LRP1B: variants seen among roughly 807,000 people sequenced by gnomAD.
LRP1B encodes the protein low-density lipoprotein receptor-related protein 1B.
A neutral mutation model predicts 556.6 loss-of-function variants in LRP1B; 217 were observed. That is an observed-to-expected ratio of 0.39 (90% CI 0.35 to 0.44). LRP1B has a LOEUF of 0.44. Ranked by LOEUF, LRP1B falls within the 20% of genes least tolerant of loss-of-function variation. The pLI is 1.00. For synonymous variants in LRP1B, 2,047 were observed against 1,865.8 expected (o/e 1.10, Z -2.50); for missense variants, 5,053 against 5,620.8 (o/e 0.90, Z 3.23).
At chr2:140,533,963 A>G in intron 47 of LRP1B, 58 bp downstream of exon 47, 2 of 1,594,222 alleles carry the variant, frequency 1.3e-6, no homozygotes, top group Non-Finnish European at 1.7e-6. Context: ...GAATGTTGGA[A>G]AAGTTCAGGA....
chr2:140,702,050 C>G (rs1373839121), intron 39 of LRP1B, 91 bp downstream of exon 39: 2 of 1,468,448 alleles, frequency 1.4e-6, no homozygotes, highest in South Asian at 1.3e-5. Context: ...TTTTTGTGAC[C>G]TTGCTAAGAA....
At chr2:140,457,439 G>A in intron 61 of LRP1B, 24 bp downstream of exon 61, 1 of 1,547,110 alleles carries the variant, frequency 6.5e-7, no homozygotes, top group Non-Finnish European at 8.9e-7. Flanking sequence ...ATGCATTTAT[G>A]GAAATCATGG....
intron 14 of LRP1B, among the ~76,000 whole-genome samples, chr2:141,008,743 T>A (rs1697652989): frequency 6.6e-6 from 1 of 151,560 alleles, no homozygotes; most frequent in East Asian, 1.9e-4. Flanking sequence ...CAGCATAGAG[T>A]GTGTTTGATA....
rs1699261462 is a variant in LRP1B at position 141,058,944 on chromosome 2, T to C, written c.1347A>G (p.Ser449=). 1 of 1,600,028 alleles carries C rather than the reference T, an allele frequency of 6.2e-7. No individual in the cohort carries two copies. Among genetic ancestry groups the C allele is most frequent in the Admixed American group, 1.7e-5 (1 of 57,748 alleles). Reference sequence around the variant, plus strand: ...CCCAAGCATTCTCAATTTTAATTAATGAGTGAATATCAGTCCCATTAAATC... The same window carrying C: ...CCCAAGCATTCTCAATTTTAATTAACGAGTGAATATCAGTCCCATTAAATC... The part of the protein sequence containing the change: ...INRFNGTDIH[S]LIKIENAWGI... The change falls in exon 9 of 91, where the codon TCA becomes TCG. Residue 449 remains serine (S), a synonymous_variant. Coordinates refer to ENST00000389484, the MANE Select transcript of LRP1B (RefSeq NM_018557.3).
intron 87 of LRP1B, among the ~76,000 whole-genome samples, chr2:140,242,749 G>A (rs1333495847): frequency 6.6e-6 from 1 of 151,030 alleles, no homozygotes; most frequent in Non-Finnish European, 1.5e-5. Context: ...AGGCCAAGAG[G>A]ATTACGATTA....
chr2:140,910,883 A>G (rs1192995926), intron 21 of LRP1B, among the ~76,000 whole-genome samples: 6 of 151,896 alleles, frequency 4.0e-5, no homozygotes, highest in Non-Finnish European at 8.9e-5. Context: ...CCAGCAAATG[A>G]AACATGTGTC....
intron 2 of LRP1B, among the ~76,000 whole-genome samples, chr2:141,519,627 C>G (rs778623164): frequency 6.6e-6 from 1 of 151,802 alleles, no homozygotes; most frequent in Non-Finnish European, 1.5e-5. Context: ...TACTAGAACT[C>G]GAATTTAGAT....
chr2:140,526,469 G>A, intron 47 of LRP1B, 119 bp from the exon 48 acceptor site: 1 of 693,824 alleles, frequency 1.4e-6, no homozygotes, highest in Non-Finnish European at 2.4e-6. Flanking sequence ...CGTAACTCTG[G>A]GAAGCCAAAC....
intron 1 of LRP1B, among the ~76,000 whole-genome samples, chr2:141,928,318 TATTGTAC>T (rs1383037046): frequency 6.6e-6 from 1 of 152,174 alleles, no homozygotes. Flanking sequence ...TTAATTTTTG[TATTGTAC>T]ATTGTATGCA....
intron 1 of LRP1B, among the ~76,000 whole-genome samples, chr2:142,096,014 T>C (rs1197183739): frequency 6.6e-6 from 1 of 151,738 alleles, no homozygotes; most frequent in East Asian, 1.9e-4. Context: ...GAATTCAGTG[T>C]GGGTGCCAGG....
intron 3 of LRP1B, among the ~76,000 whole-genome samples, chr2:141,458,125 A>T (rs996007584): frequency 2.6e-5 from 4 of 152,188 alleles, no homozygotes; most frequent in African/African-American, 9.7e-5. Context: ...CAATCCCTAA[A>T]GGGTAAAAAT....
chr2:141,716,019 A>G (rs1358621430), intron 2 of LRP1B, among the ~76,000 whole-genome samples: 1 of 152,182 alleles, frequency 6.6e-6, no homozygotes, highest in African/African-American at 2.4e-5. Context: ...ATAGAACACC[A>G]TATCTTGCCT....
intron 41 of LRP1B, among the ~76,000 whole-genome samples, chr2:140,609,624 A>C (rs1312749219): frequency 6.6e-6 from 1 of 152,220 alleles, no homozygotes; most frequent in Non-Finnish European, 1.5e-5. Flanking sequence ...CCAGTTACTC[A>C]GACTGGAAGC....
At chr2:140,580,224 A>T (rs1246126826) in intron 43 of LRP1B, among the ~76,000 whole-genome samples, 6 of 152,206 alleles carry the variant, frequency 3.9e-5, no homozygotes, top group Non-Finnish European at 8.8e-5. Context: ...AATATCTTAG[A>T]CCAGTCACAG....
At chr2:141,880,901 G>T (rs1477988120) in intron 1 of LRP1B, among the ~76,000 whole-genome samples, 1 of 151,974 alleles carries the variant, frequency 6.6e-6, no homozygotes, top group Non-Finnish European at 1.5e-5. Context: ...AGGTCAGTCT[G>T]AACAGACTGA....
At chr2:140,883,688 C>T in intron 25 of LRP1B, 129 bp downstream of exon 25, 1 of 541,502 alleles carries the variant, frequency 1.8e-6, no homozygotes, top group Non-Finnish European at 3.0e-6. Context: ...CCGCCCCCGC[C>T]ACACACACAC....
intron 1 of LRP1B, among the ~76,000 whole-genome samples, chr2:141,884,059 T>C (rs1369528): frequency 0.43 from 65,162 of 152,024 alleles, 14,175 homozygotes; most frequent in Admixed American, 0.51. Context: ...AGGAACCCTA[T>C]CTGAGTCTTT....
chr2:141,250,484 G>T (rs936004573), intron 4 of LRP1B, among the ~76,000 whole-genome samples: 8 of 152,154 alleles, frequency 5.3e-5, no homozygotes, highest in Non-Finnish European at 1.0e-4. Flanking sequence ...GGGCATAGAA[G>T]CTTCCCTCTC....
chr2:141,266,103 T>TC (rs1405777918), intron 3 of LRP1B, among the ~76,000 whole-genome samples: 1 of 152,090 alleles, frequency 6.6e-6, no homozygotes, highest in African/African-American at 2.4e-5. Flanking sequence ...GGCAGGCAGA[T>TC]CACAAGGTCA....
Sources: gnomAD v4.1 joint callset for allele counts (sites outside exome capture counted in the v4.1 genomes callset) on GRCh38, gnomAD v4.1.1 for gene constraint, MANE v1.5 for transcripts, NCBI Gene and HGNC (gene_info 2026-07-23, HGNC 2026-07-21) for gene names.